DPYSL2: variants seen among roughly 807,000 people sequenced by gnomAD.
DPYSL2 encodes dihydropyrimidinase like 2, also known as dihydropyrimidinase-related protein 2.
In DPYSL2, 13 loss-of-function variants were observed where a neutral mutation model predicts 69.9. That is an observed-to-expected ratio of 0.19 (90% CI 0.12 to 0.30). DPYSL2 has a LOEUF of 0.30. Among genes scored for constraint, DPYSL2 ranks in the 10% least tolerant of loss-of-function variants. The pLI is 1.00. For synonymous variants in DPYSL2, 326 were observed against 359.1 expected (o/e 0.91, Z 1.04); for missense variants, 587 against 918.9 (o/e 0.64, Z 4.67).
At chr8:26,537,094 T>C (rs1800604211) in intron 1 of DPYSL2, among the ~76,000 whole-genome samples, 1 of 152,152 alleles carries the variant, frequency 6.6e-6, no homozygotes, top group Non-Finnish European at 1.5e-5. Context: ...ATGAGTGACT[T>C]AAATAGATTA....
At position 26,626,829 on chromosome 8, in the gene DPYSL2, AAG is replaced by A; in HGVS notation, c.855+156_855+157del. 1 of 828,194 alleles carries A rather than the reference AAG, an allele frequency of 1.2e-6. No homozygotes were observed. The allele number at this position is 828,194 out of a possible 1,614,324, so 51.3% of individuals were successfully genotyped here. ...AGTTACTGATGTAACTGAGCCTTGG[AAG>A]AGAGTATGAACGCAGTGCCCTGGCC... On this transcript the variant is annotated intron_variant, in intron 5 of 13. Coordinates refer to ENST00000521913, the MANE Select transcript of DPYSL2 (RefSeq NM_001197293.3). The surrounding 1 kb of genome is among the most constrained non-coding windows in gnomAD (Gnocchi z 4.3).
rs1345462564 is a variant in DPYSL2, at chr8:26,650,195, C to T, written c.1597-2062C>T. Among the ~76,000 whole-genome samples, 1 of 152,200 alleles carries T rather than the reference C, an allele frequency of 6.6e-6. No individual in the cohort carries two copies. Among genetic ancestry groups the T allele is most frequent in the Non-Finnish European group, 1.5e-5 (1 of 68,044 alleles). ...TCCTGCAAAGGGGGACCTACTTACC[C>T]CTCACAGATGAGGAGGTGGAGGCTC... On this transcript the variant is annotated intron_variant, in intron 11 of 13. Transcript: ENST00000521913. The surrounding 1 kb of genome is among the most constrained non-coding windows in gnomAD (Gnocchi z 5.3).
intron 1 of DPYSL2, among the ~76,000 whole-genome samples, chr8:26,529,280 TATCTATCTATCTATCTATCTATC>T (rs1800453323): frequency 7.5e-5 from 5 of 66,808 alleles, no homozygotes; most frequent in African/African-American, 2.1e-4. Context: ...ATCTATCATC[TATCTATCTATCTATCTATCTATC>T]ATCTATCTAT....
chr8:26,563,607 C>G (rs1801106784), intron 1 of DPYSL2, among the ~76,000 whole-genome samples: 1 of 152,200 alleles, frequency 6.6e-6, no homozygotes, highest in African/African-American at 2.4e-5. Context: ...GTCAGCTCCC[C>G]TTCCTAGACC....
At position 26,622,155 on chromosome 8, in the gene DPYSL2, T is replaced by TTCCTTCCC. The variant is rs1439731993; in HGVS notation, c.629-1985_629-1984insTTCCCTCC. ...CTTCCTTCCTTCCTTCCTTCCTTCC[T>TTCCTTCCC]TCCCTCTCTCTCTCTTTCTTTCTTT... On this transcript the variant is annotated intron_variant, in intron 3 of 13. Transcript: ENST00000521913. Among the ~76,000 whole-genome samples the TTCCTTCCC allele has an allele frequency of 5.9e-4, 41 of 69,038 alleles. 1 individual carries two copies. Among genetic ancestry groups the TTCCTTCCC allele is most frequent in the Admixed American group, 2.1e-3 (14 of 6,618 alleles). 45.3% of individuals were successfully genotyped at this position (69,038 alleles called of 152,430 possible). A position where few individuals can be genotyped will look rare whatever the true frequency, so the allele number is the denominator to read the frequency against.
intron 3 of DPYSL2, among the ~76,000 whole-genome samples, chr8:26,592,143 A>G (rs1296467015): frequency 6.6e-6 from 1 of 152,182 alleles, no homozygotes; most frequent in African/African-American, 2.4e-5. Context: ...TTTTAAAAAA[A>G]TTAATGGTGC....
Position 26,627,777 on chromosome 8 carries a change from C to T in DPYSL2, c.937-95C>T. The T allele has an allele frequency of 7.8e-7, 1 of 1,283,132 alleles. No homozygotes were observed. Among genetic ancestry groups the T allele is most frequent in the Non-Finnish European group, 1.1e-6 (1 of 908,178 alleles). The allele number at this position is 1,283,132 out of a possible 1,614,324, so 79.5% of individuals were successfully genotyped here. A position where few individuals can be genotyped will look rare whatever the true frequency, so the allele number is the denominator to read the frequency against. On this transcript the variant is annotated intron_variant, in intron 6 of 13. Coordinates refer to ENST00000521913, the MANE Select transcript of DPYSL2 (RefSeq NM_001197293.3). This position sits in a 1 kb window ranked among gnomAD's most constrained non-coding sequence, Gnocchi z 6.9. ...AGAACGATCGGCAGTGGTAATTTTCCATCTTGCCCGGATAACTGCATGCCC... is the reference window on the plus strand; with the variant it reads ...AGAACGATCGGCAGTGGTAATTTTCTATCTTGCCCGGATAACTGCATGCCC...
chr8:26,614,440 T>C lies in DPYSL2; in HGVS notation c.629-9703T>C, dbSNP rs1802303025. 6.6e-6 allele frequency among the ~76,000 whole-genome samples: 1 copy of C among 152,200 alleles called. No homozygotes were observed. Among genetic ancestry groups the C allele is most frequent in the African/African-American group, 2.4e-5 (1 of 41,458 alleles). ...GTAGCTGGAGGGTCCTTCAGGATCA[T>C]TTTATCCGTATCCCTTTCGTATCTT... On this transcript the variant is annotated intron_variant, in intron 3 of 13. Transcript: ENST00000521913. The surrounding 1 kb of genome is among the most constrained non-coding windows in gnomAD (Gnocchi z 4.9).
intron 1 of DPYSL2, among the ~76,000 whole-genome samples, chr8:26,526,864 T>C (rs1808486826): frequency 6.6e-6 from 1 of 152,146 alleles, no homozygotes; most frequent in Non-Finnish European, 1.5e-5. Flanking sequence ...TTTGGTTGGT[T>C]GATTTTGGAG....
intron 1 of DPYSL2, among the ~76,000 whole-genome samples, chr8:26,523,635 C>A: frequency 6.6e-6 from 1 of 152,068 alleles, no homozygotes; most frequent in Non-Finnish European, 1.5e-5. Flanking sequence ...CATGTTGTAG[C>A]ATGTGTCAGA....
rs1800768712 is a variant in DPYSL2, at chr8:26,546,402, C to T, written c.354+31723C>T. Among the ~76,000 whole-genome samples, 3 of 152,078 alleles carry T rather than the reference C, an allele frequency of 2.0e-5. No individual in the cohort carries two copies. In the South Asian group the frequency reaches 6.2e-4, roughly 31 times the overall value. Reference sequence around the variant, plus strand: ...AGTTTTTTTGTTGATTGTTTTAGACCTTCTACATAGATGATTACACCATCT... The same window carrying T: ...AGTTTTTTTGTTGATTGTTTTAGACTTTCTACATAGATGATTACACCATCT... On this transcript the variant is annotated intron_variant, in intron 1 of 13. Coordinates refer to ENST00000521913, the MANE Select transcript of DPYSL2 (RefSeq NM_001197293.3).
In DPYSL2 at chr8:26,653,317, C is replaced by T. The variant is rs1489949166; in HGVS notation, c.1862C>T (p.Ala621Val). 6.8e-6 allele frequency: 11 copies of T among 1,614,182 alleles called. No homozygotes were observed. The highest frequency in any genetic ancestry group is 9.3e-6 in the Non-Finnish European group (11 of 1,180,036). Residue 621 changes from alanine (A) to valine (V), a missense_variant, in exon 13 of 14, where the codon GCC (alanine) becomes GTC (valine). By Grantham distance (64) the Ala-to-Val change is moderately conservative. This residue lies in a region of DPYSL2 where 452 missense variants were observed against 754.3 expected (regional missense o/e 0.60). Transcript: ENST00000521913. The surrounding 1 kb of genome is among the most constrained non-coding windows in gnomAD (Gnocchi z 5.7). ...GTGACGCCCAAGACAGTCACTCCAG[C>T]CTCCTCGGCCAAGACGTCTCCTGCC... ...VSVTPKTVTP[A>V]SSAKTSPAKQ...
chr8:26,653,479 G>C lies in DPYSL2; in HGVS notation c.1942+82G>C, dbSNP rs2047052886. On this transcript the variant is annotated intron_variant, in intron 13 of 13. Transcript: ENST00000521913. The surrounding 1 kb of genome is among the most constrained non-coding windows in gnomAD (Gnocchi z 5.7). Reference sequence around the variant, plus strand: ...CGAGGCTACAGTTGCATTTGGAAAGGACACAGAAATAGAAGTGAATGATAT... The same window carrying C: ...CGAGGCTACAGTTGCATTTGGAAAGCACACAGAAATAGAAGTGAATGATAT... 1 of 1,422,406 alleles carries C rather than the reference G, an allele frequency of 7.0e-7. No individual in the cohort carries two copies. The allele number at this position is 1,422,406 out of a possible 1,614,324, so 88.1% of individuals were successfully genotyped here.
intron 1 of DPYSL2, among the ~76,000 whole-genome samples, chr8:26,556,341 A>ATATATATATAG (rs1563385447): frequency 0.029 from 262 of 9,156 alleles, 59 homozygotes; most frequent in African/African-American, 0.061. Flanking sequence ...TATATATAGT[A>ATATATATATAG]TATATATATA....
At position 26,656,800 on chromosome 8, in the gene DPYSL2, C is replaced by T. The variant is rs11863; in HGVS notation, c.*1094C>T. ...ATGCCGTCTCACCCACAGTATCACA[C>T]GTGGAACCGCAGACAGGGCCCAGAA... On this transcript the variant is annotated 3_prime_UTR_variant, in exon 14 of 14. Coordinates refer to ENST00000521913, the MANE Select transcript of DPYSL2 (RefSeq NM_001197293.3). 62,854 of 152,612 alleles carry T rather than the reference C, an allele frequency of 0.41. 13,805 individuals carry two copies. The highest frequency in any genetic ancestry group is 0.49 in the Non-Finnish European group (33,415 of 68,040). The allele number at this position is 152,612 out of a possible 1,614,324, so 9.5% of individuals were successfully genotyped here. A position where few individuals can be genotyped will look rare whatever the true frequency, so the allele number is the denominator to read the frequency against.
At chr8:26,592,476 G>GT (rs11357827) in intron 3 of DPYSL2, among the ~76,000 whole-genome samples, 237 of 132,840 alleles carry the variant, frequency 1.8e-3, no homozygotes, top group Middle Eastern at 8.0e-3. Flanking sequence ...TTTTTTTTTT[G>GT]TTTTTTTTTT....
intron 1 of DPYSL2, among the ~76,000 whole-genome samples, chr8:26,525,112 A>AT (rs1183527375): frequency 5.9e-5 from 9 of 151,926 alleles, no homozygotes; most frequent in African/African-American, 1.7e-4. Context: ...AAGTTGATCC[A>AT]TTTTTTCTGA....
chr8:26,618,438 G>A (rs1355120267), intron 3 of DPYSL2, among the ~76,000 whole-genome samples: 5 of 150,588 alleles, frequency 3.3e-5, no homozygotes, highest in African/African-American at 4.9e-5. Flanking sequence ...TTAGCCTCCC[G>A]AGTAGCTGCG....
intron 1 of DPYSL2, among the ~76,000 whole-genome samples, chr8:26,546,685 C>T (rs1326627719): frequency 2.0e-5 from 3 of 150,778 alleles, no homozygotes; most frequent in African/African-American, 4.9e-5. Context: ...TTTGGGAGGC[C>T]GAGACGGGTG....
Sources: gnomAD v4.1 joint callset for allele counts (sites outside exome capture counted in the v4.1 genomes callset) on GRCh38, gnomAD v4.1.1 for gene constraint, gnomAD v4.1.1 regional missense constraint, Gnocchi (gnomAD v3.1) non-coding constraint, MANE v1.5 for transcripts, NCBI Gene and HGNC (gene_info 2026-07-23, HGNC 2026-07-21) for gene names.